Variants in MCF2L2 observed in about 807,000 individuals in gnomAD.
The protein encoded by MCF2L2 is probable guanine nucleotide exchange factor MCF2L2.
In MCF2L2, 102 loss-of-function variants were observed where a neutral mutation model predicts 150.2. That is an observed-to-expected ratio of 0.68 (90% CI 0.58 to 0.80). The LOEUF (loss-of-function observed/expected upper bound fraction) is 0.80. Among genes scored for constraint, MCF2L2 ranks in the 30% least tolerant of loss-of-function variants. The pLI is 0.00. For synonymous variants in MCF2L2, 465 were observed against 491.3 expected (o/e 0.95, Z 0.71); for missense variants, 1,256 against 1,372.8 (o/e 0.91, Z 1.34).
chr3:183,190,297 C>T (rs1415692921), intron 27 of MCF2L2, among the ~76,000 whole-genome samples: 2 of 152,234 alleles, frequency 1.3e-5, no homozygotes, highest in Non-Finnish European at 2.9e-5. Flanking sequence ...CCAGGACTCT[C>T]AACACGCCAC....
At chr3:183,311,141 C>G (rs1341989341) in intron 8 of MCF2L2, 112 bp from the exon 9 acceptor site, 1 of 636,942 alleles carries the variant, frequency 1.6e-6, no homozygotes, top group Admixed American at 2.7e-5. Flanking sequence ...TCAATTGTGA[C>G]CATCTCATTA....
rs1722452920 is a variant in MCF2L2, at chr3:183,205,900, T to C, written c.2860A>G (p.Met954Val). 2 of 1,613,870 alleles carry C rather than the reference T, an allele frequency of 1.2e-6. No homozygotes were observed. The highest frequency in any genetic ancestry group is 2.2e-5 in the East Asian group (1 of 44,876). The stretch of plus-strand genomic sequence containing the variant: ...CCTTTGATATTATTTTGTTGTTCCA[T>C]CAATAATTTACTTATTTCTGAAAAC... ...CWFSEISKLLMEQQNNIKDQG... is the reference protein window; with the variant it reads ...CWFSEISKLLVEQQNNIKDQG... The change falls in exon 25 of 30, where the codon ATG (methionine) becomes GTG (valine). Residue 954 changes from methionine (M) to valine (V), a missense_variant. Met to Val is a conservative substitution (Grantham distance 21). Transcript: ENST00000328913.
At chr3:183,388,010 T>C (rs1713934229) in intron 2 of MCF2L2, among the ~76,000 whole-genome samples, 1 of 151,978 alleles carries the variant, frequency 6.6e-6, no homozygotes, top group African/African-American at 2.4e-5. Flanking sequence ...GAGAAGTAAG[T>C]TGCCCAAGGT....
chr3:183,229,885 T>C, intron 16 of MCF2L2, 104 bp from the exon 17 acceptor site: 1 of 534,524 alleles, frequency 1.9e-6, no homozygotes, highest in South Asian at 3.3e-5. Context: ...GATTGAAGAA[T>C]ATAGCACACT....
chr3:183,363,410 TA>T, intron 3 of MCF2L2, among the ~76,000 whole-genome samples: 1 of 152,256 alleles, frequency 6.6e-6, no homozygotes, highest in Admixed American at 6.5e-5. Context: ...AAACTGAAAA[TA>T]CTCATGATGC....
intron 1 of MCF2L2, among the ~76,000 whole-genome samples, chr3:183,426,529 A>G (rs1191188109): frequency 6.6e-6 from 1 of 152,148 alleles, no homozygotes; most frequent in East Asian, 1.9e-4. Context: ...TAAAATTCCT[A>G]TTTTTCAACC....
Position 183,347,928 on chromosome 3 carries a change from T to C in MCF2L2, c.276-6298A>G, listed in dbSNP as rs575572247. Among the ~76,000 whole-genome samples, 20 of 152,238 alleles carry C rather than the reference T, an allele frequency of 1.3e-4. 1 individual carries two copies. Among genetic ancestry groups the C allele is most frequent in the African/African-American group, 4.3e-4 (18 of 41,544 alleles). ...AGATGCTAGAGAGGATGTGGAGAAA[T>C]AGGAACGCTTTTACACTGTTGGTAG... On this transcript the variant is annotated intron_variant, in intron 3 of 29. Coordinates refer to ENST00000328913, the MANE Select transcript of MCF2L2 (RefSeq NM_015078.4).
At chr3:183,355,503 G>A (rs1711712889) in intron 3 of MCF2L2, among the ~76,000 whole-genome samples, 2 of 150,280 alleles carry the variant, frequency 1.3e-5, no homozygotes, top group Non-Finnish European at 3.0e-5. Context: ...GTGGAGTGCC[G>A]TGGCGCGATC....
intron 13 of MCF2L2, among the ~76,000 whole-genome samples, chr3:183,293,902 C>G (rs1480685776): frequency 6.6e-6 from 1 of 151,954 alleles, no homozygotes; most frequent in Non-Finnish European, 1.5e-5. Context: ...CCTTTACACT[C>G]AAAACGACTG....
chr3:183,341,396 G>A (rs1015130111), intron 4 of MCF2L2, 144 bp downstream of exon 4: 1 of 653,542 alleles, frequency 1.5e-6, no homozygotes, highest in South Asian at 1.8e-5. Context: ...AGGAGATAGG[G>A]ATGTGACATA....
At chr3:183,297,634 T>TGCTTCCTC (rs1728591314) in intron 11 of MCF2L2, 1 of 98,040 alleles carries the variant, frequency 1.0e-5, no homozygotes, top group African/African-American at 3.9e-5. Context: ...AATTTTTCCT[T>TGCTTCCTC]CCTTCCTCCC....
intron 21 of MCF2L2, among the ~76,000 whole-genome samples, chr3:183,218,863 C>T (rs1188982086): frequency 6.6e-6 from 1 of 152,132 alleles, no homozygotes; most frequent in Non-Finnish European, 1.5e-5. Flanking sequence ...CTAACTAGGG[C>T]TAGCTCCTCT....
At chr3:183,421,655 G>C (rs2108633874) in intron 1 of MCF2L2, among the ~76,000 whole-genome samples, 1 of 151,412 alleles carries the variant, frequency 6.6e-6, no homozygotes, top group South Asian at 2.1e-4. Context: ...CTCACAGGCA[G>C]TTTCTGATGC....
intron 1 of MCF2L2, among the ~76,000 whole-genome samples, chr3:183,426,178 G>A (rs552432106): frequency 6.6e-6 from 1 of 152,166 alleles, no homozygotes; most frequent in Non-Finnish European, 1.5e-5. Flanking sequence ...TAGAAGGAGG[G>A]AGGGAGCAAG....
intron 27 of MCF2L2, among the ~76,000 whole-genome samples, chr3:183,186,348 A>G (rs772412421): frequency 6.6e-6 from 1 of 152,152 alleles, no homozygotes; most frequent in Non-Finnish European, 1.5e-5. Context: ...CAACCTCCTG[A>G]GCTCAAGCAA....
At chr3:183,417,480 G>A (rs527821426) in intron 1 of MCF2L2, among the ~76,000 whole-genome samples, 30 of 152,154 alleles carry the variant, frequency 2.0e-4, no homozygotes, top group Non-Finnish European at 3.8e-4. Context: ...AAAGAATGAA[G>A]AAATATGCAT....
At chr3:183,315,805 T>C (rs1326118704) in intron 7 of MCF2L2, among the ~76,000 whole-genome samples, 1 of 152,194 alleles carries the variant, frequency 6.6e-6, no homozygotes, top group African/African-American at 2.4e-5. Context: ...CCCACCAGCA[T>C]ATACAGCAAG....
chr3:183,424,610 G>A (rs893575251), intron 1 of MCF2L2, among the ~76,000 whole-genome samples: 11 of 152,138 alleles, frequency 7.2e-5, no homozygotes, highest in Non-Finnish European at 1.3e-4. Context: ...TTAAACAAGC[G>A]CACGAATAAC....
chr3:183,407,415 C>G (rs985181891), intron 1 of MCF2L2, among the ~76,000 whole-genome samples: 2 of 152,246 alleles, frequency 1.3e-5, no homozygotes, highest in South Asian at 4.1e-4. Flanking sequence ...TTATTGAAGT[C>G]GTGTTTAATT....
Sources: allele counts gnomAD v4.1 joint callset (sites outside exome capture counted in the v4.1 genomes callset), GRCh38; gene constraint gnomAD v4.1.1; transcripts MANE v1.5; gene names NCBI Gene and HGNC (gene_info 2026-07-23, HGNC 2026-07-21).